QKI: variants seen among roughly 807,000 people sequenced by gnomAD.
The protein encoded by QKI is QKI, KH domain containing RNA binding.
QKI carries 10 observed loss-of-function variants against 39.0 expected under a neutral mutation model. The ratio of observed to expected loss-of-function variants is 0.26; its 90% CI spans 0.16 to 0.43. The LOEUF (loss-of-function observed/expected upper bound fraction) is 0.43, where lower values mean the gene tolerates loss of function less well. QKI is among the 20% of genes least tolerant of loss of function. The pLI is 1.00. For missense variants in QKI, 218 were observed against 428.0 expected (o/e 0.51, Z 4.33); for synonymous variants, 204 against 155.4 (o/e 1.31, Z -2.33).
chr6:163,507,203 A>G (rs938043120), intron 3 of QKI, among the ~76,000 whole-genome samples: 2 of 152,326 alleles, frequency 1.3e-5, no homozygotes, highest in African/African-American at 4.8e-5. Flanking sequence ...AACTAGAACT[A>G]GGGCCAAGCT....
Position 163,561,176 on chromosome 6 carries a change from A to G in QKI, c.547-806A>G, listed in dbSNP as rs866270470. Among the ~76,000 whole-genome samples, 56 of 152,368 alleles carry G rather than the reference A, an allele frequency of 3.7e-4. No homozygotes were observed. In the Middle Eastern group the frequency reaches 0.014, roughly 37 times the overall value. On this transcript the variant is annotated intron_variant, in intron 4 of 7. Transcript: ENST00000361752. Reference sequence around the variant, plus strand: ...TCACTGAGTTTTCATATTTTGAAGAATTAAGCATAAAATTTCCTTACCTAA... The same window carrying G: ...TCACTGAGTTTTCATATTTTGAAGAGTTAAGCATAAAATTTCCTTACCTAA...
intron 3 of QKI, among the ~76,000 whole-genome samples, chr6:163,518,899 C>T (rs1779989214): frequency 6.6e-6 from 1 of 152,046 alleles, no homozygotes; most frequent in Non-Finnish European, 1.5e-5. Flanking sequence ...GTGAGGTAAG[C>T]CTAGGAGGCA....
Position 163,418,550 on chromosome 6 carries a change from C to T in QKI, c.142+3215C>T, listed in dbSNP as rs1787732336. Among the ~76,000 whole-genome samples, 5 of 152,180 alleles carry T rather than the reference C, an allele frequency of 3.3e-5. No individual in the cohort carries two copies. The South Asian group carries it at 1.0e-3, about 32-fold the overall frequency. ...AGCTCTTCCACTGAAGTATCTTCAACACGGTTGTTTTTTAAAGTTGTGAAT... is the reference window on the plus strand; with the variant it reads ...AGCTCTTCCACTGAAGTATCTTCAATACGGTTGTTTTTTAAAGTTGTGAAT... On this transcript the variant is annotated intron_variant, in intron 1 of 7. Transcript: ENST00000361752.
At chr6:163,567,731 G>T (rs1783452039) in intron 7 of QKI, 1 of 983,624 alleles carries the variant, frequency 1.0e-6, no homozygotes, top group Non-Finnish European at 1.2e-6. Flanking sequence ...TAGTAAAAAA[G>T]GATTTTTTAC....
chr6:163,427,369 T>C (rs1362659248), intron 1 of QKI, among the ~76,000 whole-genome samples: 1 of 151,496 alleles, frequency 6.6e-6, no homozygotes, highest in Admixed American at 6.6e-5. Context: ...ATTAATAATA[T>C]TACTAATAGC....
intron 1 of QKI, among the ~76,000 whole-genome samples, chr6:163,438,958 C>T (rs1469727521): frequency 6.6e-6 from 1 of 152,054 alleles, no homozygotes; most frequent in Non-Finnish European, 1.5e-5. Context: ...GAAATATTTT[C>T]TTTATATCCT....
intron 2 of QKI, among the ~76,000 whole-genome samples, chr6:163,472,577 C>T (rs1458124250): frequency 2.0e-5 from 3 of 152,178 alleles, no homozygotes; most frequent in Admixed American, 1.3e-4. Flanking sequence ...TCACACCAGA[C>T]TTTGCATTCT....
At chr6:163,477,455 G>C (rs888307074) in intron 2 of QKI, among the ~76,000 whole-genome samples, 16 of 152,322 alleles carry the variant, frequency 1.1e-4, no homozygotes, top group African/African-American at 3.8e-4. Context: ...AGGTTAAGTT[G>C]ATGAGTTTCT....
At chr6:163,439,673 T>TTTG (rs34006175) in intron 1 of QKI, among the ~76,000 whole-genome samples, 6 of 145,950 alleles carry the variant, frequency 4.1e-5, no homozygotes, top group Non-Finnish European at 7.5e-5. Flanking sequence ...TTTTTTTTTT[T>TTTG]GAAACAGAGT....
chr6:163,540,832 A>G (rs185666661), intron 4 of QKI, among the ~76,000 whole-genome samples: 29 of 152,170 alleles, frequency 1.9e-4, no homozygotes, highest in African/African-American at 6.5e-4. Flanking sequence ...CTCAAGTTAT[A>G]TGTAGGTTTT....
intron 3 of QKI, among the ~76,000 whole-genome samples, chr6:163,494,587 T>A (rs1243373353): frequency 1.3e-5 from 2 of 152,238 alleles, no homozygotes; most frequent in African/African-American, 4.8e-5. Flanking sequence ...CACCACCTTT[T>A]TACTTCAGTT....
At chr6:163,420,154 C>CTTTTTTTTTTT (rs35131240) in intron 1 of QKI, among the ~76,000 whole-genome samples, 37 of 60,758 alleles carry the variant, frequency 6.1e-4, no homozygotes, top group South Asian at 1.1e-3. Context: ...CTTTTCTTTT[C>CTTTTTTTTTTT]TTTTTTTTTT....
chr6:163,452,061 A>G (rs182561935), intron 1 of QKI, among the ~76,000 whole-genome samples: 1 of 152,330 alleles, frequency 6.6e-6, no homozygotes, highest in East Asian at 1.9e-4. Context: ...AAACCAGTGG[A>G]TTTAGTTCAT....
chr6:163,513,646 G>A (rs1405263154), intron 3 of QKI, among the ~76,000 whole-genome samples: 1 of 152,110 alleles, frequency 6.6e-6, no homozygotes, highest in Non-Finnish European at 1.5e-5. Context: ...CGATGATGCA[G>A]CATTTTTAAA....
chr6:163,541,017 C>T (rs954247915), intron 4 of QKI, among the ~76,000 whole-genome samples: 7 of 151,478 alleles, frequency 4.6e-5, no homozygotes, highest in Non-Finnish European at 5.9e-5. Context: ...CATCTTTATT[C>T]TACTAAGGTT....
intron 4 of QKI, among the ~76,000 whole-genome samples, chr6:163,554,279 A>G (rs992931602): frequency 2.6e-5 from 4 of 152,120 alleles, no homozygotes; most frequent in Admixed American, 1.3e-4. Flanking sequence ...TGGGAAAGAG[A>G]ACATCTCTTT....
At chr6:163,445,004 G>T (rs980005837) in intron 1 of QKI, among the ~76,000 whole-genome samples, 1 of 152,170 alleles carries the variant, frequency 6.6e-6, no homozygotes, top group South Asian at 2.1e-4. Context: ...TACTTCCTGG[G>T]CTCAAGCGAT....
chr6:163,549,335 C>T (rs1029114724), intron 4 of QKI, among the ~76,000 whole-genome samples: 3 of 152,088 alleles, frequency 2.0e-5, no homozygotes, highest in Admixed American at 1.3e-4. Context: ...TGTGAACATC[C>T]CAGAGAAAGT....
In QKI at chr6:163,415,114, C is replaced by A; in HGVS notation, c.-80C>A. Reference sequence around the variant, plus strand: ...CGCCGGGTCCCGAGCGGCCCGCGGCCGGGGCTCGCCCCCGCCCCTCCCTCC... The same window carrying A: ...CGCCGGGTCCCGAGCGGCCCGCGGCAGGGGCTCGCCCCCGCCCCTCCCTCC... On this transcript the variant is annotated 5_prime_UTR_variant, in exon 1 of 8. Coordinates refer to ENST00000361752, the MANE Select transcript of QKI (RefSeq NM_006775.3). 1 of 1,080,076 alleles carries A rather than the reference C, an allele frequency of 9.3e-7. No individual in the cohort carries two copies. The highest frequency in any genetic ancestry group is 3.8e-5 in the South Asian group (1 of 26,366). 66.9% of individuals were successfully genotyped at this position (1,080,076 alleles called of 1,614,324 possible).
Sources: gnomAD v4.1 joint callset for allele counts (sites outside exome capture counted in the v4.1 genomes callset) on GRCh38, gnomAD v4.1.1 for gene constraint, MANE v1.5 for transcripts, NCBI Gene and HGNC (gene_info 2026-07-23, HGNC 2026-07-21) for gene names.